The following MYT1L variants were observed in gnomAD, a reference collection of about 807,000 sequenced individuals.
MYT1L encodes myelin transcription factor 1-like protein.
MYT1L carries 12 observed loss-of-function variants against 126.7 expected under a neutral mutation model. That is an observed-to-expected ratio of 0.09 (90% confidence interval 0.06 to 0.15). The LOEUF is 0.15. MYT1L is among the 10% of genes least tolerant of loss of function. The pLI, the probability that MYT1L is intolerant of heterozygous loss-of-function variation, is 1.00. For synonymous variants in MYT1L, 541 were observed against 604.2 expected, an observed-to-expected ratio of 0.90 and a Z score of 1.53; for missense variants, 979 against 1,585.2, an observed-to-expected ratio of 0.62 and a Z score of 6.49.
In MYT1L at chr2:1,852,997, G is replaced by A. The variant is rs1264092424; in HGVS notation, c.2712-1294C>T. Among the ~76,000 whole-genome samples the A allele has an allele frequency of 1.4e-4, 21 of 152,190 alleles. No individual in the cohort carries two copies. The highest frequency in any genetic ancestry group is 5.9e-5 in the Non-Finnish European group (4 of 68,036). ...GATCAGAGGAGAATGGCAGGGATTA[G>A]AGTGGGAACACATGACATTGGCCGA... On this transcript the variant is annotated intron_variant, in intron 18 of 24. Transcript: ENST00000647738. This position sits in a 1 kb window ranked among gnomAD's most constrained non-coding sequence, Gnocchi z 4.0.
At chr2:2,161,469 CAA>C (rs1227375346) in intron 3 of MYT1L, among the ~76,000 whole-genome samples, 1 of 152,246 alleles carries the variant, frequency 6.6e-6, no homozygotes, top group African/African-American at 2.4e-5. Flanking sequence ...ATCAATGAAA[CAA>C]GTGAGGCCAC....
intron 14 of MYT1L, among the ~76,000 whole-genome samples, chr2:1,893,206 T>C (rs150046249): frequency 5.1e-4 from 78 of 152,328 alleles, no homozygotes; most frequent in African/African-American, 1.8e-3. Flanking sequence ...CTTTAGTACA[T>C]GACAATGTTT....
At chr2:1,850,182 C>T (rs1216879944) in intron 19 of MYT1L, among the ~76,000 whole-genome samples, 11 of 76,370 alleles carry the variant, frequency 1.4e-4, no homozygotes, top group East Asian at 7.1e-4. Context: ...CTCCCCCTCC[C>T]CCTTCCTTCC....
intron 18 of MYT1L, among the ~76,000 whole-genome samples, chr2:1,868,298 TGTC>T (rs940220995): frequency 2.6e-4 from 39 of 152,240 alleles, no homozygotes; most frequent in African/African-American, 9.4e-4. Flanking sequence ...TTTAAAAATG[TGTC>T]TGTCTCAGAG....
At chr2:2,252,690 C>T (rs1044190048) in intron 2 of MYT1L, among the ~76,000 whole-genome samples, 1 of 152,116 alleles carries the variant, frequency 6.6e-6, no homozygotes, top group Non-Finnish European at 1.5e-5. Context: ...CTCCCCTGTC[C>T]CCACCACCAA....
At chr2:1,847,270 C>T (rs34463458) in intron 19 of MYT1L, among the ~76,000 whole-genome samples, 53,322 of 152,068 alleles carry the variant, frequency 0.35, 9,647 homozygotes, top group East Asian at 0.66. Context: ...ACTGTAATTT[C>T]TGGTACATAG....
chr2:1,954,428 C>T (rs1430823282), intron 8 of MYT1L, among the ~76,000 whole-genome samples: 1 of 152,200 alleles, frequency 6.6e-6, no homozygotes, highest in African/African-American at 2.4e-5. Flanking sequence ...ATGACATTTT[C>T]AGTGTTGTCT....
intron 5 of MYT1L, among the ~76,000 whole-genome samples, chr2:1,981,636 C>G (rs1035509210): frequency 6.6e-6 from 1 of 152,260 alleles, no homozygotes; most frequent in South Asian, 2.1e-4. Context: ...AGGGATGTAC[C>G]GGGAGGCCCC....
chr2:1,870,562 A>G (rs1469996442), intron 18 of MYT1L, among the ~76,000 whole-genome samples: 1 of 152,150 alleles, frequency 6.6e-6, no homozygotes. Context: ...TTTTGGGCCA[A>G]AGACCTCATT....
intron 2 of MYT1L, among the ~76,000 whole-genome samples, chr2:2,191,237 C>T (rs1310142416): frequency 6.6e-6 from 1 of 152,156 alleles, no homozygotes; most frequent in Non-Finnish European, 1.5e-5. Flanking sequence ...ATGGTTGAGT[C>T]TGAGAAGGCT....
chr2:2,126,967 C>T (rs144172260), intron 3 of MYT1L, among the ~76,000 whole-genome samples: 1 of 152,346 alleles, frequency 6.6e-6, no homozygotes, highest in African/African-American at 2.4e-5. Flanking sequence ...TTCTTCATAA[C>T]GGAAGCCTCC....
rs575018483 is a variant in MYT1L, at chr2:2,013,722, G to A, written c.-157-16375C>T. ...GGGCTGAAGTACTCAGAAATGAGGGGCAATTCTCACCAGAAAGGGGAGAGC... is the reference window on the plus strand; with the variant it reads ...GGGCTGAAGTACTCAGAAATGAGGGACAATTCTCACCAGAAAGGGGAGAGC... On this transcript the variant is annotated intron_variant, in intron 4 of 24. Coordinates refer to ENST00000647738, the MANE Select transcript of MYT1L (RefSeq NM_001303052.2). Among the ~76,000 whole-genome samples, 15 of 152,332 alleles carry A rather than the reference G, an allele frequency of 9.8e-5. No homozygotes were observed. In the South Asian group the frequency reaches 3.1e-3, roughly 32 times the overall value.
chr2:2,202,034 C>T (rs928147767), intron 2 of MYT1L, among the ~76,000 whole-genome samples: 4 of 151,960 alleles, frequency 2.6e-5, no homozygotes, highest in African/African-American at 9.7e-5. Context: ...GGGTACATAA[C>T]GAAATAAAGG....
At chr2:1,837,904 C>CT (rs2041126254) in intron 21 of MYT1L, among the ~76,000 whole-genome samples, 1 of 133,996 alleles carries the variant, frequency 7.5e-6, no homozygotes, top group Non-Finnish European at 1.6e-5. Context: ...TTTTTTTTGT[C>CT]TTTTGTTTGT....
At chr2:1,952,183 C>T (rs1317552306) in intron 8 of MYT1L, among the ~76,000 whole-genome samples, 1 of 152,082 alleles carries the variant, frequency 6.6e-6, no homozygotes, top group East Asian at 1.9e-4. Flanking sequence ...ACTTGAACCT[C>T]TTAGGGAATT....
intron 3 of MYT1L, among the ~76,000 whole-genome samples, chr2:2,151,369 C>T (rs1052997139): frequency 3.3e-5 from 5 of 151,918 alleles, no homozygotes; most frequent in Admixed American, 1.3e-4. Context: ...AGAAGAAAAA[C>T]AGCTGGGGAG....
intron 9 of MYT1L, among the ~76,000 whole-genome samples, chr2:1,937,153 A>G (rs1250559753): frequency 6.6e-6 from 1 of 152,160 alleles, no homozygotes; most frequent in Non-Finnish European, 1.5e-5. Context: ...CTGGCTGAAG[A>G]GTCAGGGCAC....
At chr2:2,004,022 C>CGTT (rs1574412826) in intron 4 of MYT1L, among the ~76,000 whole-genome samples, 1 of 150,998 alleles carries the variant, frequency 6.6e-6, no homozygotes, top group Middle Eastern at 3.4e-3. Context: ...TTCCTGCATG[C>CGTT]CTTCTTTCCT....
chr2:2,156,323 G>A (rs1012085574), intron 3 of MYT1L, among the ~76,000 whole-genome samples: 7 of 152,158 alleles, frequency 4.6e-5, no homozygotes, highest in Non-Finnish European at 8.8e-5. Context: ...CTGCTGAGGA[G>A]TTATGTTCTT....
Sources: allele counts gnomAD v4.1 joint callset (sites outside exome capture counted in the v4.1 genomes callset), GRCh38; gene constraint gnomAD v4.1.1; non-coding constraint Gnocchi (gnomAD v3.1); transcripts MANE v1.5; gene names NCBI Gene and HGNC (gene_info 2026-07-23, HGNC 2026-07-21).